Variants in ERC2 observed in about 807,000 individuals in gnomAD.
ERC2 encodes the protein ELKS/RAB6-interacting/CAST family member 2.
In ERC2, 42 loss-of-function variants were observed where a neutral mutation model predicts 114.8. The observed-to-expected ratio is 0.37, with a 90% confidence interval of 0.29 to 0.47. The LOEUF (loss-of-function observed/expected upper bound fraction) is 0.47. ERC2 is among the 20% of genes least tolerant of loss of function. The probability of loss-of-function intolerance (pLI) is 0.99; values close to 1 mark genes in which losing one functional copy is unlikely to be tolerated. For synonymous variants in ERC2, 454 were observed against 425.5 expected, an observed-to-expected ratio of 1.07 and a Z score of -0.82; for missense variants, 939 against 1,150.7, an observed-to-expected ratio of 0.82 and a Z score of 2.66.
intron 15 of ERC2, among the ~76,000 whole-genome samples, chr3:55,705,856 AC>A (rs1308113983): frequency 6.7e-6 from 1 of 149,820 alleles, no homozygotes; most frequent in Admixed American, 6.6e-5. Flanking sequence ...CTCATTAAGC[AC>A]TTTTATTTTA....
intron 17 of ERC2, among the ~76,000 whole-genome samples, chr3:55,680,748 CCCA>C (rs2062019200): frequency 6.6e-6 from 1 of 152,066 alleles, no homozygotes; most frequent in South Asian, 2.1e-4. Flanking sequence ...CTAGAAGAAA[CCCA>C]GAACAATGAG....
chr3:56,433,397 A>G (rs1168086006), intron 2 of ERC2, among the ~76,000 whole-genome samples: 1 of 152,228 alleles, frequency 6.6e-6, no homozygotes, highest in Non-Finnish European at 1.5e-5. Context: ...ATTTAAAGGG[A>G]GGTGGCAGGA....
At chr3:56,185,122 G>A (rs2083512645) in intron 3 of ERC2, 1 of 149,672 alleles carries the variant, frequency 6.7e-6, no homozygotes, top group African/African-American at 2.4e-5. Context: ...ACTCACCTCA[G>A]CCTATGCATC....
intron 17 of ERC2, among the ~76,000 whole-genome samples, chr3:55,641,119 A>C (rs1045393450): frequency 2.6e-5 from 4 of 152,174 alleles, no homozygotes; most frequent in African/African-American, 9.7e-5. Context: ...CTTACAATAG[A>C]AGTCTGCTAG....
chr3:56,076,847 G>A (rs2076999256), intron 7 of ERC2, among the ~76,000 whole-genome samples: 2 of 152,136 alleles, frequency 1.3e-5, no homozygotes, highest in African/African-American at 4.8e-5. Context: ...AGACTTCTGA[G>A]ACTCAGAGCT....
chr3:55,749,677 C>T (rs1413116870), intron 14 of ERC2, among the ~76,000 whole-genome samples: 4 of 152,100 alleles, frequency 2.6e-5, no homozygotes, highest in Admixed American at 1.3e-4. Context: ...ACGGGCACTC[C>T]GATAGGACAG....
chr3:55,756,902 A>C (rs746968147), intron 14 of ERC2, among the ~76,000 whole-genome samples: 12 of 152,346 alleles, frequency 7.9e-5, no homozygotes, highest in Non-Finnish European at 1.0e-4. Flanking sequence ...CTGATTTTAA[A>C]AAATGAATAA....
intron 14 of ERC2, among the ~76,000 whole-genome samples, chr3:55,797,439 G>A (rs1465531410): frequency 6.6e-6 from 1 of 152,146 alleles, no homozygotes; most frequent in Non-Finnish European, 1.5e-5. Flanking sequence ...ATCCTAGATT[G>A]ATAGCAGCTC....
chr3:55,809,933 T>C (rs1459610757), intron 14 of ERC2, among the ~76,000 whole-genome samples: 1 of 152,350 alleles, frequency 6.6e-6, no homozygotes. Context: ...TTCTTGAGTC[T>C]AGTGTCAAAG....
At chr3:56,453,902 G>A (rs1491165) in intron 1 of ERC2, among the ~76,000 whole-genome samples, 49,464 of 151,968 alleles carry the variant, frequency 0.33, 8,432 homozygotes, top group Admixed American at 0.44. Flanking sequence ...GCTGGACCTC[G>A]TATGATCAGT....
At chr3:56,306,757 T>TAACA (rs1230249547) in intron 2 of ERC2, among the ~76,000 whole-genome samples, 1 of 152,192 alleles carries the variant, frequency 6.6e-6, no homozygotes, top group African/African-American at 2.4e-5. Flanking sequence ...ATATAGTGTG[T>TAACA]AACAGCCCAG....
At chr3:55,804,988 A>T (rs1184415276) in intron 14 of ERC2, among the ~76,000 whole-genome samples, 3 of 152,068 alleles carry the variant, frequency 2.0e-5, no homozygotes, top group South Asian at 4.1e-4. Context: ...AGTGCCACAC[A>T]ATATGAATTA....
chr3:56,140,291 C>G (rs992539172), intron 5 of ERC2, among the ~76,000 whole-genome samples: 1 of 152,110 alleles, frequency 6.6e-6, no homozygotes, highest in Non-Finnish European at 1.5e-5. Flanking sequence ...TCTCCTCCCC[C>G]CATTTGGAAA....
chr3:56,428,566 A>AGGGAGGGGGAGGGG (rs2061668118), intron 2 of ERC2, among the ~76,000 whole-genome samples: 1 of 87,008 alleles, frequency 1.1e-5, no homozygotes, highest in African/African-American at 5.3e-5. Context: ...GGAGGGAGGG[A>AGGGAGGGGGAGGGG]GGGAGGGGAG....
At chr3:56,165,176 A>T (rs530083747) in intron 4 of ERC2, among the ~76,000 whole-genome samples, 1 of 151,960 alleles carries the variant, frequency 6.6e-6, no homozygotes, top group East Asian at 1.9e-4. Context: ...CTCTTCTTCA[A>T]ATTAACTACT....
At chr3:55,933,995 A>G (rs2066284270) in intron 13 of ERC2, among the ~76,000 whole-genome samples, 1 of 152,198 alleles carries the variant, frequency 6.6e-6, no homozygotes, top group South Asian at 2.1e-4. Context: ...AAATACAGCC[A>G]TCTAACTCTA....
chr3:56,046,251 C>T (rs1003233350), intron 7 of ERC2, among the ~76,000 whole-genome samples: 5 of 152,118 alleles, frequency 3.3e-5, no homozygotes, highest in South Asian at 2.1e-4. Context: ...CCTAAGTTTC[C>T]GGTACTGAAC....
chr3:56,256,686 T>C (rs1483157359), intron 3 of ERC2, among the ~76,000 whole-genome samples: 1 of 152,090 alleles, frequency 6.6e-6, no homozygotes, highest in African/African-American at 2.4e-5. Context: ...GTAATCCCCA[T>C]GTGTTGAGGG....
At chr3:56,068,914 G>T (rs185379452) in intron 7 of ERC2, among the ~76,000 whole-genome samples, 18 of 152,236 alleles carry the variant, frequency 1.2e-4, no homozygotes, top group Admixed American at 1.2e-3. Flanking sequence ...AGACTGTTAT[G>T]ATTTCAGTTC....
Sources: gnomAD v4.1 joint callset for allele counts (sites outside exome capture counted in the v4.1 genomes callset) on GRCh38, gnomAD v4.1.1 for gene constraint, MANE v1.5 for transcripts, NCBI Gene and HGNC (gene_info 2026-07-23, HGNC 2026-07-21) for gene names.